Variants in NRP2 observed in about 807,000 individuals in gnomAD.
NRP2 encodes neuropilin-2.
NRP2 carries 52 observed loss-of-function variants against 110.4 expected under a neutral mutation model. That is an observed-to-expected ratio of 0.47 (90% CI 0.38 to 0.59). The LOEUF is 0.59. Ranked by LOEUF, NRP2 falls within the 20% of genes least tolerant of loss-of-function variation. The pLI is 0.00. For missense variants in NRP2, 1,049 were observed against 1,203.0 expected (o/e 0.87, Z 1.89); for synonymous variants, 508 against 468.9 (o/e 1.08, Z -1.08).
chr2:205,776,186 G>A (rs568141959), intron 15 of NRP2: 1 of 1,479,944 alleles, frequency 6.8e-7, no homozygotes, highest in Non-Finnish European at 9.4e-7. Context: ...TTTTAAATTA[G>A]TCTTTTGATT....
At chr2:205,722,876 C>T (rs1393209876) in intron 4 of NRP2, among the ~76,000 whole-genome samples, 168 bp downstream of exon 4, 2 of 152,200 alleles carry the variant, frequency 1.3e-5, no homozygotes, top group Non-Finnish European at 2.9e-5. Flanking sequence ...AGAGAAATTA[C>T]AGGAAGGCTG....
chr2:205,728,875 G>A (rs1292370039), intron 7 of NRP2, among the ~76,000 whole-genome samples: 1 of 152,228 alleles, frequency 6.6e-6, no homozygotes, highest in Non-Finnish European at 1.5e-5. Context: ...GCAGGAGCTG[G>A]TGCAGAGGTC....
intron 14 of NRP2, among the ~76,000 whole-genome samples, chr2:205,766,387 G>A (rs993305395): frequency 2.6e-5 from 4 of 152,194 alleles, no homozygotes; most frequent in African/African-American, 9.7e-5. Flanking sequence ...GACCCCTGGT[G>A]TGTGTGTGCT....
intron 15 of NRP2, among the ~76,000 whole-genome samples, chr2:205,782,059 A>G (rs1194795406): frequency 1.5e-5 from 2 of 132,444 alleles, no homozygotes; most frequent in Non-Finnish European, 3.4e-5. Flanking sequence ...GGAAATCGCC[A>G]AGAGCAAAAC....
intron 12 of NRP2, among the ~76,000 whole-genome samples, chr2:205,758,551 T>C (rs988309139): frequency 6.6e-6 from 1 of 152,226 alleles, no homozygotes; most frequent in Non-Finnish European, 1.5e-5. Context: ...TGAATGGCCC[T>C]GTCCTCTGTA....
chr2:205,751,345 GT>G (rs976054328), intron 11 of NRP2, among the ~76,000 whole-genome samples: 10 of 151,858 alleles, frequency 6.6e-5, no homozygotes, highest in South Asian at 2.1e-4. Flanking sequence ...TTTTGCAAAA[GT>G]TTTTTTTGTA....
intron 3 of NRP2, among the ~76,000 whole-genome samples, chr2:205,717,912 A>G (rs2056933000): frequency 6.6e-6 from 1 of 152,232 alleles, no homozygotes; most frequent in African/African-American, 2.4e-5. Context: ...TTGGATGAGT[A>G]TGTATGTAAA....
chr2:205,752,612 G>A, intron 11 of NRP2: 2 of 564,622 alleles, frequency 3.5e-6, no homozygotes. Flanking sequence ...TGCTTACTAT[G>A]GGAACCACTG....
At chr2:205,695,963 T>C (rs1273468976) in intron 1 of NRP2, among the ~76,000 whole-genome samples, 2 of 151,964 alleles carry the variant, frequency 1.3e-5, no homozygotes, top group South Asian at 2.1e-4. Context: ...CTGGGGTGGG[T>C]GCAGGGTCAT....
At chr2:205,735,012 C>T (rs766506230) in intron 7 of NRP2, among the ~76,000 whole-genome samples, 36 of 152,140 alleles carry the variant, frequency 2.4e-4, no homozygotes, top group East Asian at 5.8e-4. Context: ...AGGTGGTGCA[C>T]GTGAAGAGAG....
Position 205,693,107 on chromosome 2 carries a change from C to G in NRP2, c.74-4437C>G, listed in dbSNP as rs1202160622. On this transcript the variant is annotated intron_variant, in intron 1 of 16. Transcript: ENST00000357785. The stretch of plus-strand genomic sequence containing the variant: ...AAAGAGTTTCTTCTTTGCCTTGCTA[C>G]CAATAATTAAATGAAAACAATGCTG... Among the ~76,000 whole-genome samples the G allele has an allele frequency of 2.0e-5, 3 of 152,042 alleles. No homozygotes were observed. The East Asian group carries it at 5.8e-4, about 29-fold the overall frequency.
rs1349841261 is a variant in NRP2, at chr2:205,792,280, T to C, written c.2471T>C (p.Ile824Thr). 1.9e-6 allele frequency: 3 copies of C among 1,597,654 alleles called. No individual in the cohort carries two copies. Among genetic ancestry groups the C allele is most frequent in the African/African-American group, 1.3e-5 (1 of 74,600 alleles). ...GAGAGAGAAGGATATGAAGATGAAATTGATGGTGAGTACTGTTATGATTTA... is the reference window on the plus strand; with the variant it reads ...GAGAGAGAAGGATATGAAGATGAAACTGATGGTGAGTACTGTTATGATTTA... ...IHEREGYEDE[I>T]DDEYEVDWSN... Residue 824 changes from isoleucine to threonine, a missense_variant, in exon 16 of 17, where the codon ATT (isoleucine) becomes ACT (threonine). Ile to Thr is a moderately conservative substitution (Grantham distance 89). Transcript: ENST00000357785.
intron 3 of NRP2, among the ~76,000 whole-genome samples, chr2:205,719,679 C>T (rs1222659750): frequency 1.3e-5 from 2 of 152,108 alleles, no homozygotes; most frequent in African/African-American, 4.8e-5. Flanking sequence ...ACTCGGAGTG[C>T]CTACTGCCTC....
chr2:205,756,258 A>G (rs1234862079), intron 12 of NRP2, among the ~76,000 whole-genome samples: 1 of 152,094 alleles, frequency 6.6e-6, no homozygotes, highest in African/African-American at 2.4e-5. Context: ...GCTGCGGAGG[A>G]ACACTCAGTG....
intron 7 of NRP2, among the ~76,000 whole-genome samples, chr2:205,738,622 C>T (rs914265629): frequency 1.3e-5 from 2 of 152,156 alleles, no homozygotes; most frequent in South Asian, 2.1e-4. Context: ...CTCCTTCCCT[C>T]GCTAACTTGG....
intron 15 of NRP2, chr2:205,767,502 A>G (rs962992632): frequency 2.0e-6 from 1 of 491,830 alleles, no homozygotes; most frequent in African/African-American, 2.0e-5. Flanking sequence ...ATCAGAAAGG[A>G]CGTGTTCTCC....
At chr2:205,715,798 T>G (rs992099045) in intron 2 of NRP2, among the ~76,000 whole-genome samples, 2 of 152,110 alleles carry the variant, frequency 1.3e-5, no homozygotes, top group Admixed American at 6.5e-5. Flanking sequence ...ATGAAGAAAT[T>G]GATGCTCAAA....
rs1187629170 is a variant in NRP2, at chr2:205,763,505, G to A, written c.2045-169G>A. ...AAGAAAACACAGCATTTGAATCAAGGCTCTGAAGGAGCCTTAAGAAAGGGT... is the reference window on the plus strand; with the variant it reads ...AAGAAAACACAGCATTTGAATCAAGACTCTGAAGGAGCCTTAAGAAAGGGT... On this transcript the variant is annotated intron_variant, in intron 12 of 16. Coordinates refer to ENST00000357785, the MANE Select transcript of NRP2 (RefSeq NM_003872.3). The surrounding 1 kb of genome is among the most constrained non-coding windows in gnomAD (Gnocchi z 4.0). Among the ~76,000 whole-genome samples, 1 of 152,092 alleles carries A rather than the reference G, an allele frequency of 6.6e-6. No individual in the cohort carries two copies. The highest frequency in any genetic ancestry group is 1.9e-4 in the East Asian group (1 of 5,168).
rs1017723403 is a variant in NRP2 at position 205,692,418 on chromosome 2, T to C, written c.74-5126T>C. On this transcript the variant is annotated intron_variant, in intron 1 of 16. Coordinates refer to ENST00000357785, the MANE Select transcript of NRP2 (RefSeq NM_003872.3). The stretch of plus-strand genomic sequence containing the variant: ...ATCCAGCCTCAGCTCACAGAAATAA[T>C]TCTTAAAACGCAGCTTATCCCGGGT... Among the ~76,000 whole-genome samples the C allele has an allele frequency of 2.6e-5, 4 of 152,188 alleles. No homozygotes were observed. The South Asian group carries it at 6.2e-4, about 24-fold the overall frequency.
Sources: allele counts gnomAD v4.1 joint callset (sites outside exome capture counted in the v4.1 genomes callset), GRCh38; gene constraint gnomAD v4.1.1; non-coding constraint Gnocchi (gnomAD v3.1); transcripts MANE v1.5; gene names NCBI Gene and HGNC (gene_info 2026-07-23, HGNC 2026-07-21).